Variants in KCNQ5 observed in about 807,000 individuals in gnomAD.
KCNQ5 encodes potassium voltage-gated channel subfamily KQT member 5.
KCNQ5 carries 30 observed loss-of-function variants against 98.2 expected under a neutral mutation model. That is an observed-to-expected ratio of 0.31 (90% CI 0.23 to 0.41). The LOEUF (loss-of-function observed/expected upper bound fraction) is 0.41. Ranked by LOEUF, KCNQ5 falls within the 10% of genes least tolerant of loss-of-function variation. KCNQ5 has a pLI of 1.00. For missense variants in KCNQ5, 835 were observed against 1,182.5 expected (o/e 0.71, Z 4.31); for synonymous variants, 458 against 449.4 (o/e 1.02, Z -0.24).
chr6:73,003,985 G>T lies in KCNQ5; in HGVS notation c.476G>T (p.Cys159Phe). Residue 159 changes from cysteine to phenylalanine, a missense_variant, in exon 2 of 14, where the codon TGC becomes TTC. Physicochemically the swap from Cys to Phe is radical, Grantham distance 205. Transcript: ENST00000370398. Reference protein sequence around the residue: ...IPEHTKLASSCLLILEFVMIV... With the variant: ...IPEHTKLASSFLLILEFVMIV... ...GAGCACACAAAATTGGCCTCAAGTT[G>T]CCTCTTGATCCTGGTAAGTGAAACA... 2 of 1,602,614 alleles carry T rather than the reference G, an allele frequency of 1.2e-6. No individual in the cohort carries two copies. The highest frequency in any genetic ancestry group is 1.7e-6 in the Non-Finnish European group (2 of 1,169,824).
At chr6:72,854,484 A>T (rs1046235239) in intron 1 of KCNQ5, among the ~76,000 whole-genome samples, 1 of 151,828 alleles carries the variant, frequency 6.6e-6, no homozygotes, top group Non-Finnish European at 1.5e-5. Flanking sequence ...AAAAAATTCA[A>T]TATTACTATG....
At chr6:72,838,240 A>C (rs2150130234) in intron 1 of KCNQ5, among the ~76,000 whole-genome samples, 1 of 151,914 alleles carries the variant, frequency 6.6e-6, no homozygotes, top group African/African-American at 2.4e-5. Context: ...TTTCCTATGG[A>C]CACCAGTATT....
intron 10 of KCNQ5, among the ~76,000 whole-genome samples, chr6:73,141,711 A>G (rs1776719533): frequency 6.6e-6 from 1 of 152,210 alleles, no homozygotes; most frequent in Admixed American, 6.5e-5. Flanking sequence ...TGGCTTCTGT[A>G]GATCCAGGTT....
chr6:73,152,509 T>G (rs1456568397), intron 10 of KCNQ5, among the ~76,000 whole-genome samples: 2 of 152,188 alleles, frequency 1.3e-5, no homozygotes, highest in African/African-American at 2.4e-5. Flanking sequence ...TTTTGTTGCA[T>G]GGATAGAGTA....
chr6:72,878,492 A>G (rs1017066623), intron 1 of KCNQ5, among the ~76,000 whole-genome samples: 9 of 152,114 alleles, frequency 5.9e-5, no homozygotes, highest in African/African-American at 2.2e-4. Flanking sequence ...TAACAATTAC[A>G]TAGTTCAAAT....
At chr6:72,926,491 G>A (rs1310683009) in intron 1 of KCNQ5, among the ~76,000 whole-genome samples, 1 of 152,136 alleles carries the variant, frequency 6.6e-6, no homozygotes, top group Non-Finnish European at 1.5e-5. Context: ...GATGTAAACA[G>A]TGGTACCTAA....
intron 10 of KCNQ5, chr6:73,157,858 T>C: frequency 1.3e-6 from 1 of 779,316 alleles, no homozygotes; most frequent in Non-Finnish European, 2.4e-6. Flanking sequence ...GATCTGTGGG[T>C]TTTCGGGATC....
chr6:72,969,589 A>G (rs1767775397), intron 1 of KCNQ5, among the ~76,000 whole-genome samples: 1 of 151,976 alleles, frequency 6.6e-6, no homozygotes, highest in South Asian at 2.1e-4. Flanking sequence ...CTACTTTTAT[A>G]TTATTCTATT....
intron 1 of KCNQ5, among the ~76,000 whole-genome samples, chr6:72,783,494 A>G (rs1773585709): frequency 6.6e-6 from 1 of 152,218 alleles, no homozygotes; most frequent in South Asian, 2.1e-4. Context: ...AAATATTCAG[A>G]TAAAGTTACC....
intron 1 of KCNQ5, chr6:72,986,806 A>G: frequency 7.3e-7 from 1 of 1,362,620 alleles, no homozygotes; most frequent in East Asian, 2.3e-5. Flanking sequence ...AGCTCAAATA[A>G]CACAAGAAGG....
chr6:73,049,997 T>C (rs1772144877), intron 3 of KCNQ5, among the ~76,000 whole-genome samples: 1 of 151,746 alleles, frequency 6.6e-6, no homozygotes, highest in South Asian at 2.1e-4. Flanking sequence ...ATCATCAACC[T>C]GGGCAACATA....
chr6:72,645,291 A>T (rs953496395), intron 1 of KCNQ5, among the ~76,000 whole-genome samples: 6 of 150,314 alleles, frequency 4.0e-5, no homozygotes, highest in Non-Finnish European at 3.0e-5. Flanking sequence ...GAGGCTGTGG[A>T]GGGAGGATCA....
At chr6:72,885,827 A>G (rs3920868) in intron 1 of KCNQ5, among the ~76,000 whole-genome samples, 90,132 of 151,998 alleles carry the variant, frequency 0.59, 27,366 homozygotes, top group East Asian at 0.77. Context: ...ATTGCTGCAA[A>G]AAAATAATAA....
chr6:72,680,221 C>A (rs559724362), intron 1 of KCNQ5, among the ~76,000 whole-genome samples: 2 of 152,296 alleles, frequency 1.3e-5, no homozygotes, highest in African/African-American at 4.8e-5. Context: ...AGGTAACCTT[C>A]TATCCATTTT....
intron 4 of KCNQ5, 101 bp downstream of exon 4, chr6:73,077,598 A>G (rs1773589217): frequency 7.2e-7 from 1 of 1,382,244 alleles, no homozygotes. Context: ...TAGTCATTGC[A>G]GAAAATGGTT....
intron 1 of KCNQ5, among the ~76,000 whole-genome samples, chr6:72,789,219 A>G (rs1436653247): frequency 6.6e-6 from 1 of 152,086 alleles, no homozygotes; most frequent in Non-Finnish European, 1.5e-5. Flanking sequence ...GGGCAGTGGC[A>G]TAAACTTGGC....
intron 1 of KCNQ5, among the ~76,000 whole-genome samples, chr6:72,827,156 G>A (rs374877475): frequency 6.6e-6 from 1 of 152,084 alleles, no homozygotes; most frequent in African/African-American, 2.4e-5. Context: ...GCTGTATCTT[G>A]GCTATTGTGA....
chr6:73,014,167 C>G lies in KCNQ5; in HGVS notation c.489+10169C>G, dbSNP rs183643494. Among the ~76,000 whole-genome samples the G allele has an allele frequency of 5.8e-4, 88 of 152,152 alleles. No homozygotes were observed. In the South Asian group the frequency reaches 0.013, roughly 23 times the overall value. On this transcript the variant is annotated intron_variant, in intron 2 of 13. Coordinates refer to ENST00000370398, the MANE Select transcript of KCNQ5 (RefSeq NM_019842.4). ...GTAGGTTTTAGCATTGTATTTCCCA[C>G]CTTTTTGAGAACAATACTGTCTGGA...
At chr6:72,997,253 C>CA (rs1320196848) in intron 1 of KCNQ5, among the ~76,000 whole-genome samples, 1 of 152,110 alleles carries the variant, frequency 6.6e-6, no homozygotes. Flanking sequence ...AGGCATGCTC[C>CA]ATGTCTGTCT....
Sources: gnomAD v4.1 joint callset for allele counts (sites outside exome capture counted in the v4.1 genomes callset) on GRCh38, gnomAD v4.1.1 for gene constraint, MANE v1.5 for transcripts, NCBI Gene and HGNC (gene_info 2026-07-23, HGNC 2026-07-21) for gene names.